Variants in CSRNP3 observed in about 807,000 individuals in gnomAD.
The protein encoded by CSRNP3 is cysteine/serine-rich nuclear protein 3.
In CSRNP3, 12 loss-of-function variants were observed where a neutral mutation model predicts 48.0. The observed-to-expected ratio is 0.25, with a 90% CI of 0.16 to 0.41. The LOEUF (loss-of-function observed/expected upper bound fraction) is 0.41, where lower values mean the gene tolerates loss of function less well. Among genes scored for constraint, CSRNP3 ranks in the 10% least tolerant of loss-of-function variants. CSRNP3 has a pLI of 1.00. For missense variants in CSRNP3, 580 were observed against 724.4 expected (o/e 0.80, Z 2.29); for synonymous variants, 263 against 269.7 (o/e 0.98, Z 0.24).
chr2:165,510,185 G>GT (rs1189994205), intron 2 of CSRNP3, among the ~76,000 whole-genome samples: 1 of 151,932 alleles, frequency 6.6e-6, no homozygotes, highest in Admixed American at 6.6e-5. Context: ...TTCACGCTCT[G>GT]TTTTTTTGAA....
chr2:165,497,559 C>T (rs758514167), intron 2 of CSRNP3, among the ~76,000 whole-genome samples: 2 of 151,972 alleles, frequency 1.3e-5, no homozygotes, highest in Non-Finnish European at 2.9e-5. Context: ...AGAAGAAAAC[C>T]CATGTTAGTG....
intron 4 of CSRNP3, among the ~76,000 whole-genome samples, chr2:165,654,111 T>A (rs1686964289): frequency 6.6e-6 from 1 of 151,878 alleles, no homozygotes. Context: ...TAGGGCATCA[T>A]TTTTATGATA....
At chr2:165,565,774 T>C (rs1364324731) in intron 3 of CSRNP3, among the ~76,000 whole-genome samples, 1 of 152,052 alleles carries the variant, frequency 6.6e-6, no homozygotes, top group Non-Finnish European at 1.5e-5. Context: ...TCATGTTGTA[T>C]GATTAATAGA....
chr2:165,665,670 G>A (rs760261023), intron 5 of CSRNP3, among the ~76,000 whole-genome samples: 68 of 152,058 alleles, frequency 4.5e-4, no homozygotes, highest in Non-Finnish European at 8.2e-4. Flanking sequence ...TGTGATGAGT[G>A]CATCACTTGG....
At chr2:165,663,671 A>G (rs1687132844) in intron 5 of CSRNP3, among the ~76,000 whole-genome samples, 1 of 152,206 alleles carries the variant, frequency 6.6e-6, no homozygotes, top group Non-Finnish European at 1.5e-5. Flanking sequence ...AGGGAAGTCA[A>G]TTGCACTGAT....
chr2:165,627,921 G>A (rs1193579889), intron 4 of CSRNP3, among the ~76,000 whole-genome samples: 1 of 152,152 alleles, frequency 6.6e-6, no homozygotes, highest in Non-Finnish European at 1.5e-5. Flanking sequence ...CCATTCTTCA[G>A]TAGACTCGTT....
chr2:165,472,165 T>C (rs892102532), intron 1 of CSRNP3, among the ~76,000 whole-genome samples: 1 of 152,012 alleles, frequency 6.6e-6, no homozygotes, highest in African/African-American at 2.4e-5. Flanking sequence ...ACTTTAATCA[T>C]AAAGAGAGAA....
intron 4 of CSRNP3, among the ~76,000 whole-genome samples, chr2:165,653,540 T>A (rs972801918): frequency 6.6e-6 from 1 of 152,192 alleles, no homozygotes; most frequent in African/African-American, 2.4e-5. Context: ...TTGGCTTTTC[T>A]GGGAAAGCAT....
chr2:165,487,895 C>A (rs1684144662), intron 1 of CSRNP3, among the ~76,000 whole-genome samples: 1 of 142,426 alleles, frequency 7.0e-6, no homozygotes, highest in African/African-American at 2.7e-5. Flanking sequence ...AACTAATGAG[C>A]AAAATCACCA....
At chr2:165,615,131 A>G (rs1356636612) in intron 4 of CSRNP3, among the ~76,000 whole-genome samples, 2 of 152,216 alleles carry the variant, frequency 1.3e-5, no homozygotes, top group Non-Finnish European at 2.9e-5. Flanking sequence ...TGTCTAAATC[A>G]TCTTTCCAAT....
intron 2 of CSRNP3, among the ~76,000 whole-genome samples, chr2:165,496,066 C>T (rs1287941778): frequency 1.3e-5 from 2 of 151,920 alleles, no homozygotes; most frequent in Non-Finnish European, 2.9e-5. Flanking sequence ...AATCCTCCTC[C>T]CTCTCCCCCA....
intron 3 of CSRNP3, among the ~76,000 whole-genome samples, chr2:165,559,073 T>TGAGAGA (rs144620618): frequency 6.7e-6 from 1 of 149,268 alleles, no homozygotes; most frequent in South Asian, 2.1e-4. Context: ...CAGAGACTAC[T>TGAGAGA]GAGAGAGAGA....
chr2:165,603,152 C>T (rs1051162029), intron 4 of CSRNP3, among the ~76,000 whole-genome samples: 1 of 152,168 alleles, frequency 6.6e-6, no homozygotes, highest in Non-Finnish European at 1.5e-5. Flanking sequence ...GCCTCGGCCT[C>T]CCAAAGTGCT....
At chr2:165,523,137 A>G (rs1006299289) in intron 3 of CSRNP3, among the ~76,000 whole-genome samples, 1 of 152,120 alleles carries the variant, frequency 6.6e-6, no homozygotes, top group Non-Finnish European at 1.5e-5. Flanking sequence ...CTAGGTCTAT[A>G]AACATTTTTT....
rs551760195 is a variant in CSRNP3, at chr2:165,593,898, A to T, written c.-23-1145A>T. ...AATTCAAAACTTTTTGAGCACCTAC[A>T]TGATGCCACAAGTGAAAATTTTCAT... On this transcript the variant is annotated intron_variant, in intron 3 of 6. Coordinates refer to ENST00000651982, the MANE Select transcript of CSRNP3 (RefSeq NM_001172173.2). 1.8e-4 allele frequency among the ~76,000 whole-genome samples: 27 copies of T among 152,340 alleles called. 1 individual carries two copies. The highest frequency in any genetic ancestry group is 1.5e-3 in the South Asian group (7 of 4,826).
At chr2:165,637,074 A>G (rs1686640504) in intron 4 of CSRNP3, among the ~76,000 whole-genome samples, 1 of 152,218 alleles carries the variant, frequency 6.6e-6, no homozygotes, top group Non-Finnish European at 1.5e-5. Context: ...AGCACAAAGT[A>G]TGGCAGAAGG....
intron 3 of CSRNP3, among the ~76,000 whole-genome samples, chr2:165,591,938 AAGAG>A (rs560681855): frequency 0.014 from 2,178 of 152,292 alleles, 69 homozygotes; most frequent in African/African-American, 0.049. Context: ...GAACTGTGAG[AAGAG>A]GGCTGCTGTC....
chr2:165,677,701 C>G (rs561378430), intron 6 of CSRNP3, among the ~76,000 whole-genome samples: 1 of 152,224 alleles, frequency 6.6e-6, no homozygotes, highest in South Asian at 2.1e-4. Context: ...ATAGGAAATT[C>G]CATGGCTGGA....
chr2:165,477,483 A>AAT (rs200408228), intron 1 of CSRNP3, among the ~76,000 whole-genome samples: 2,587 of 129,608 alleles, frequency 0.02, 84 homozygotes, highest in African/African-American at 0.054. Context: ...ATATATATGA[A>AAT]ATATATATAT....
Sources: allele counts gnomAD v4.1 joint callset (sites outside exome capture counted in the v4.1 genomes callset), GRCh38; gene constraint gnomAD v4.1.1; transcripts MANE v1.5; gene names NCBI Gene and HGNC (gene_info 2026-07-23, HGNC 2026-07-21).